Variants in BTD observed in about 807,000 individuals in gnomAD.
BTD encodes biocytinase.
A neutral mutation model predicts 17.7 loss-of-function variants in BTD; 13 were observed. The observed-to-expected ratio is 0.74, with a 90% CI of 0.48 to 1.17. The LOEUF (loss-of-function observed/expected upper bound fraction) is 1.17, where lower values mean the gene tolerates loss of function less well. BTD is among the 50% of genes most tolerant of loss of function. The probability of loss-of-function intolerance (pLI) is 0.00; values close to 1 mark genes in which losing one functional copy is unlikely to be tolerated. For missense variants in BTD, 674 were observed against 650.4 expected, an observed-to-expected ratio of 1.04 and a Z score of -0.39; for synonymous variants, 240 against 245.2, an observed-to-expected ratio of 0.98 and a Z score of 0.20.
At chr3:15,621,061 C>A (rs2064939443) in intron 1 of BTD, among the ~76,000 whole-genome samples, 2 of 152,230 alleles carry the variant, frequency 1.3e-5, no homozygotes, top group Non-Finnish European at 2.9e-5. Context: ...TATCCCAGCT[C>A]CTGCAGATAA....
At chr3:15,636,051 T>C (rs1313912372) in intron 2 of BTD, among the ~76,000 whole-genome samples, 1 of 152,116 alleles carries the variant, frequency 6.6e-6, no homozygotes, top group Admixed American at 6.5e-5. Context: ...ACGAGGTAAG[T>C]GGTAAACACT....
At chr3:15,693,230 G>A (rs1258681662) in intron 3 of BTD, among the ~76,000 whole-genome samples, 1 of 152,120 alleles carries the variant, frequency 6.6e-6, no homozygotes, top group African/African-American at 2.4e-5. Context: ...AATTAGAAAT[G>A]GTTAAGAAGG....
Position 15,678,617 on chromosome 3 carries a change from C to T in BTD, c.400-31443C>T, listed in dbSNP as rs572534307. Among the ~76,000 whole-genome samples, 19 of 152,242 alleles carry T rather than the reference C, an allele frequency of 1.2e-4. 1 individual carries two copies. Among genetic ancestry groups the T allele is most frequent in the Admixed American group, 1.0e-3 (16 of 15,288 alleles). ...TTACAAAATTGCTAAAATAACATTA[C>T]ATCATTAAAGGAAATTTTGAAAGAA... On this transcript the variant is annotated intron_variant, in intron 3 of 3. Coordinates refer to the BTD transcript ENST00000672141.
intron 1 of BTD, among the ~76,000 whole-genome samples, chr3:15,629,229 A>G (rs2065143864): frequency 6.6e-6 from 1 of 152,196 alleles, no homozygotes; most frequent in Non-Finnish European, 1.5e-5. Flanking sequence ...TAGGATATAC[A>G]TTCCTCTATC....
In BTD at chr3:15,601,904, G is replaced by A; in HGVS notation, c.-17+10G>A. ...GGCGCGCTAAGAGCAGGTACGGAGGGGGCGTGGTGCGGCGCGGAGGGGGTG... is the reference window on the plus strand; with the variant it reads ...GGCGCGCTAAGAGCAGGTACGGAGGAGGCGTGGTGCGGCGCGGAGGGGGTG... On this transcript the variant is annotated intron_variant, in intron 1 of 3. Coordinates refer to ENST00000643237, the MANE Select transcript of BTD (RefSeq NM_001370658.1). 6.2e-7 allele frequency: 1 copy of A among 1,613,608 alleles called. No individual in the cohort carries two copies. The highest frequency in any genetic ancestry group is 8.5e-7 in the Non-Finnish European group (1 of 1,180,024).
At chr3:15,603,286 A>T (rs1030853250) in intron 1 of BTD, among the ~76,000 whole-genome samples, 3 of 152,216 alleles carry the variant, frequency 2.0e-5, no homozygotes, top group African/African-American at 7.2e-5. Context: ...TCATTTCAGC[A>T]TTAACTCGAA....
intron 1 of BTD, among the ~76,000 whole-genome samples, chr3:15,608,799 C>G (rs1486906095): frequency 6.6e-6 from 1 of 152,008 alleles, no homozygotes; most frequent in African/African-American, 2.4e-5. Context: ...TAGTATTTCT[C>G]CGTATGATGG....
Position 15,635,564 on chromosome 3 carries a change from T to G in BTD, c.125T>G (p.Val42Gly). ...HHEAEYYVAA[V>G]YEHPSILSLN... is the part of the protein sequence containing the mutation. ...GAGGCTGAATATTATGTGGCTGCCG[T>G]GTATGAGCATCCATCCATCCTGAGT... is the stretch of plus-strand genomic sequence containing the variant. Residue 42 changes from valine to glycine, a missense_variant, in exon 2 of 4, where the codon GTG (valine) becomes GGG (glycine). Transcript: ENST00000643237. This position sits in a 1 kb window ranked among gnomAD's most constrained non-coding sequence, Gnocchi z 4.1. 6.2e-7 allele frequency: 1 copy of G among 1,614,170 alleles called. No individual in the cohort carries two copies. The highest frequency in any genetic ancestry group is 2.2e-5 in the East Asian group (1 of 44,880).
intron 1 of BTD, among the ~76,000 whole-genome samples, chr3:15,616,885 T>A (rs766652813): frequency 5.3e-5 from 8 of 152,124 alleles, no homozygotes; most frequent in Middle Eastern, 3.2e-3. Flanking sequence ...CAGGCTGGAG[T>A]GCAGTGGTGC....
At chr3:15,686,177 G>A (rs771233184) in intron 3 of BTD, 26 of 1,593,618 alleles carry the variant, frequency 1.6e-5, no homozygotes, top group Non-Finnish European at 2.0e-5. Context: ...TCTGGTTTTC[G>A]AAATACGCCC....
intron 1 of BTD, among the ~76,000 whole-genome samples, chr3:15,630,444 C>A (rs763172150): frequency 6.6e-6 from 1 of 152,178 alleles, no homozygotes; most frequent in Non-Finnish European, 1.5e-5. Context: ...AGCCTTCTTA[C>A]ATTAAATACC....
intron 1 of BTD, among the ~76,000 whole-genome samples, chr3:15,611,206 G>A (rs561203824): frequency 6.6e-6 from 1 of 152,170 alleles, no homozygotes; most frequent in Non-Finnish European, 1.5e-5. Context: ...ATTTAAATAG[G>A]AGTCACTGGG....
intron 1 of BTD, among the ~76,000 whole-genome samples, chr3:15,624,749 G>A (rs1352979055): frequency 6.6e-6 from 1 of 151,980 alleles, no homozygotes; most frequent in Non-Finnish European, 1.5e-5. Flanking sequence ...TTGAGACAAA[G>A]TCTCCCTCTG....
chr3:15,611,049 C>T (rs1267315827), intron 1 of BTD, among the ~76,000 whole-genome samples: 5 of 151,680 alleles, frequency 3.3e-5, no homozygotes, highest in South Asian at 4.1e-4. Flanking sequence ...TATGTTCCAA[C>T]ATATTTATCT....
At chr3:15,644,015 T>G (rs1415596379) in intron 3 of BTD, among the ~76,000 whole-genome samples, 1 of 129,630 alleles carries the variant, frequency 7.7e-6, no homozygotes. Flanking sequence ...TATTTATTTA[T>G]TTTGAGACGG....
intron 3 of BTD, among the ~76,000 whole-genome samples, chr3:15,702,046 T>C (rs900945653): frequency 1.3e-5 from 2 of 152,228 alleles, no homozygotes; most frequent in Non-Finnish European, 1.5e-5. Flanking sequence ...ATTTCTTTTA[T>C]TGGCATACCT....
chr3:15,643,246 A>G (rs1296740488), intron 3 of BTD, among the ~76,000 whole-genome samples: 3 of 152,188 alleles, frequency 2.0e-5, no homozygotes, highest in Non-Finnish European at 2.9e-5. Flanking sequence ...CACATCTGTA[A>G]TCCCAGCATT....
intron 3 of BTD, chr3:15,669,499 C>A (rs2066160282): frequency 6.6e-6 from 1 of 152,160 alleles, no homozygotes; most frequent in Non-Finnish European, 1.5e-5. Flanking sequence ...CCCAATCCAT[C>A]TCAATGTCTA....
At chr3:15,657,389 T>C (rs566269125), downstream of BTD, among the ~76,000 whole-genome samples, 81 of 152,330 alleles carry the variant, frequency 5.3e-4, no homozygotes, top group African/African-American at 1.9e-3. Flanking sequence ...TAGTAGCTCC[T>C]TGAATCTTTC....
Sources: gnomAD v4.1 joint callset for allele counts (sites outside exome capture counted in the v4.1 genomes callset) on GRCh38, gnomAD v4.1.1 for gene constraint, Gnocchi (gnomAD v3.1) non-coding constraint, MANE v1.5 for transcripts, NCBI Gene and HGNC (gene_info 2026-07-23, HGNC 2026-07-21) for gene names.